UBP1: variants seen among roughly 807,000 people sequenced by gnomAD.
UBP1 encodes upstream binding protein 1, also known as upstream-binding protein 1.
A neutral mutation model predicts 76.1 loss-of-function variants in UBP1; 22 were observed. That is an observed-to-expected ratio of 0.29 (90% CI 0.21 to 0.41). The LOEUF (loss-of-function observed/expected upper bound fraction) is 0.41. Ranked by LOEUF, UBP1 falls within the 10% of genes least tolerant of loss-of-function variation. The pLI is 1.00. For synonymous variants in UBP1, 224 were observed against 237.1 expected (o/e 0.94, Z 0.51); for missense variants, 436 against 668.1 (o/e 0.65, Z 3.83).
At chr3:33,398,008 G>C (rs2044074732) in intron 11 of UBP1, 2 of 152,348 alleles carry the variant, frequency 1.3e-5, no homozygotes, top group South Asian at 4.1e-4. Context: ...ACAGAAGGCA[G>C]GAGAGGAAAT....
intron 1 of UBP1, among the ~76,000 whole-genome samples, chr3:33,427,051 T>A (rs1241802705): frequency 6.6e-6 from 1 of 151,910 alleles, no homozygotes; most frequent in African/African-American, 2.4e-5. Flanking sequence ...CACCACAACC[T>A]CTGACTCCTG....
intron 1 of UBP1, among the ~76,000 whole-genome samples, chr3:33,426,478 GA>G (rs2154059303): frequency 6.6e-6 from 1 of 152,204 alleles, no homozygotes. Context: ...TTTAAAGTCT[GA>G]AATTCAGTGG....
chr3:33,393,519 T>A, intron 13 of UBP1, 65 bp from the exon 14 acceptor site: 1 of 1,504,060 alleles, frequency 6.6e-7, no homozygotes, highest in Non-Finnish European at 8.9e-7. Flanking sequence ...TTCTGCCTGA[T>A]CTGTAGGATC....
rs565556111 is a variant in UBP1, at chr3:33,392,706, A to C, written c.1534-92T>G. 448 of 1,243,370 alleles carry C rather than the reference A, an allele frequency of 3.6e-4. 3 individuals carry two copies. The highest frequency in any genetic ancestry group is 3.0e-3 in the South Asian group (211 of 71,104). The allele number at this position is 1,243,370 out of a possible 1,614,324, so 77.0% of individuals were successfully genotyped here. On this transcript the variant is annotated intron_variant, in intron 14 of 15. Coordinates refer to ENST00000283629, the MANE Select transcript of UBP1 (RefSeq NM_014517.5). ...AAACAGTAAATATTCTTCTCAAACA[A>C]ACACAGGACTCAATGGCCAAAACGA...
At chr3:33,394,632 A>G (rs2043896007) in intron 13 of UBP1, among the ~76,000 whole-genome samples, 1 of 152,164 alleles carries the variant, frequency 6.6e-6, no homozygotes, top group Non-Finnish European at 1.5e-5. Flanking sequence ...AAAGCCAGAC[A>G]TGGATCAGGA....
intron 2 of UBP1, among the ~76,000 whole-genome samples, chr3:33,418,794 G>A (rs1243355028): frequency 6.7e-6 from 1 of 149,518 alleles, no homozygotes; most frequent in African/African-American, 2.5e-5. Context: ...GGGAGGCGGA[G>A]GTTGCAGTAA....
intron 12 of UBP1, chr3:33,396,676 A>C: frequency 2.4e-6 from 1 of 424,840 alleles, no homozygotes. Context: ...ATTCACAATT[A>C]GTTTACATTT....
chr3:33,431,924 A>G (rs562739599), intron 1 of UBP1, among the ~76,000 whole-genome samples: 72 of 152,326 alleles, frequency 4.7e-4, no homozygotes, highest in Middle Eastern at 3.4e-3. Context: ...GCAGCAGGAA[A>G]GACATACTTG....
At chr3:33,392,489 G>A (rs1398537750) in intron 15 of UBP1, 74 bp downstream of exon 15, 10 of 1,249,148 alleles carry the variant, frequency 8.0e-6, no homozygotes, top group Admixed American at 2.3e-5. Flanking sequence ...GAATAAACAC[G>A]AGAGGCACTA....
chr3:33,396,252 C>T lies in UBP1; in HGVS notation c.1300G>A (p.Val434Ile). 6.3e-7 allele frequency: 1 copy of T among 1,586,570 alleles called. No homozygotes were observed. Among genetic ancestry groups the T allele is most frequent in the Non-Finnish European group, 8.6e-7 (1 of 1,158,034 alleles). Residue 434 changes from valine to isoleucine, a missense_variant, in exon 13 of 16, where the codon GTC (valine) becomes ATC (isoleucine). Physicochemically the swap from Val to Ile is conservative, Grantham distance 29. This residue lies in a region of UBP1 where 210 missense variants were observed against 272.8 expected (regional missense o/e 0.77). Transcript: ENST00000283629. ...RSVRPRLTIY[V>I]CREQPSSTVL... is the part of the protein sequence containing the mutation. The stretch of plus-strand genomic sequence containing the variant: ...GTGCTGCTTGGCTGCTCCCGGCAGA[C>T]ATAGATGGTTAAACGGGGTCTAACC...
rs142939846 is a variant in UBP1, at chr3:33,406,688, T to C, written c.927+2002A>G. Among the ~76,000 whole-genome samples the C allele has an allele frequency of 3.9e-5, 6 of 152,342 alleles. 1 individual carries two copies. The highest frequency in any genetic ancestry group is 1.4e-4 in the African/African-American group (6 of 41,578). On this transcript the variant is annotated intron_variant, in intron 8 of 15. Transcript: ENST00000283629. Reference sequence around the variant, plus strand: ...ATTCGAAAAGCAAGCGATGGTGCAGTGCCTATGCTCCTGAATTCATAACGG... The same window carrying C: ...ATTCGAAAAGCAAGCGATGGTGCAGCGCCTATGCTCCTGAATTCATAACGG...
chr3:33,403,202 T>C (rs1267256441), intron 8 of UBP1: 5 of 297,526 alleles, frequency 1.7e-5, no homozygotes, highest in Non-Finnish European at 3.2e-5. Flanking sequence ...AAGAGCTTTC[T>C]CCTCCCTCTT....
chr3:33,410,900 C>T (rs1434182887), intron 5 of UBP1, among the ~76,000 whole-genome samples: 4 of 151,760 alleles, frequency 2.6e-5, no homozygotes, highest in Non-Finnish European at 5.9e-5. Context: ...GGTGAAACCC[C>T]CATCTCTACT....
intron 13 of UBP1, among the ~76,000 whole-genome samples, chr3:33,395,754 A>C (rs1421471930): frequency 1.7e-5 from 2 of 114,984 alleles, no homozygotes; most frequent in African/African-American, 3.0e-5. Flanking sequence ...AAAATTGAAA[A>C]AAAAAAAAAA....
Position 33,396,341 on chromosome 3 carries a change from ATATGACAACTACAGGAATC to A in UBP1, c.1272-80_1272-62del, listed in dbSNP as rs1270041642. 4.1e-6 allele frequency: 5 copies of A among 1,225,566 alleles called. No individual in the cohort carries two copies. The African/African-American group carries it at 7.5e-5, about 18-fold the overall frequency. The allele number at this position is 1,225,566 out of a possible 1,614,324, so 75.9% of individuals were successfully genotyped here. On this transcript the variant is annotated intron_variant, in intron 12 of 15. Transcript: ENST00000283629. Reference sequence around the variant, plus strand: ...AGAAAGCTGCCTTACACATGTACAAATATGACAACTACAGGAATCTAAGTTCTATTTCCTTATGAGAACT... The same window carrying A: ...AGAAAGCTGCCTTACACATGTACAAATAAGTTCTATTTCCTTATGAGAACT...
At chr3:33,434,546 C>G (rs1438438581) in intron 1 of UBP1, among the ~76,000 whole-genome samples, 1 of 151,666 alleles carries the variant, frequency 6.6e-6, no homozygotes, top group Non-Finnish European at 1.5e-5. Flanking sequence ...CTCAGCCTCC[C>G]AAAGTGCTGG....
Position 33,397,096 on chromosome 3 carries a change from T to C in UBP1, c.1220A>G (p.Gln407Arg). The C allele has an allele frequency of 2.5e-6, 4 of 1,602,640 alleles. No individual in the cohort carries two copies. The highest frequency in any genetic ancestry group is 2.6e-6 in the Non-Finnish European group (3 of 1,176,270). The change falls in exon 12 of 16, where the codon CAA (glutamine) becomes CGA (arginine). Residue 407 changes from glutamine to arginine, a missense_variant. By Grantham distance (43) the Gln-to-Arg change is conservative. Coordinates refer to ENST00000283629, the MANE Select transcript of UBP1 (RefSeq NM_014517.5). Reference sequence around the variant, plus strand: ...AATTCCATCGGCTGCACCACAAATTTGAACTAAATCCTCCTTTGTCAGTTT... The same window carrying C: ...AATTCCATCGGCTGCACCACAAATTCGAACTAAATCCTCCTTTGTCAGTTT... ...LLKLTKEDLV[Q>R]ICGAADGIRL...
chr3:33,396,231 T>C lies in UBP1; in HGVS notation c.1321A>G (p.Ser441Gly). The C allele has an allele frequency of 6.3e-7, 1 of 1,593,526 alleles. No homozygotes were observed. The highest frequency in any genetic ancestry group is 8.6e-7 in the Non-Finnish European group (1 of 1,163,438). ...TGCTGCTGCCCTTGCAGCACTGTGCTGCTTGGCTGCTCCCGGCAGACATAG... is the reference window on the plus strand; with the variant it reads ...TGCTGCTGCCCTTGCAGCACTGTGCCGCTTGGCTGCTCCCGGCAGACATAG... ...TIYVCREQPS[S>G]TVLQGQQQAA... The change falls in exon 13 of 16, where the codon AGC (serine) becomes GGC (glycine). Residue 441 changes from serine (S) to glycine (G), a missense_variant. Ser to Gly is a moderately conservative substitution (Grantham distance 56). This residue lies in a region of UBP1 where 210 missense variants were observed against 272.8 expected (regional missense o/e 0.77). Transcript: ENST00000283629.
chr3:33,431,197 T>A (rs1291342783), intron 1 of UBP1, among the ~76,000 whole-genome samples: 1 of 152,042 alleles, frequency 6.6e-6, no homozygotes, highest in Non-Finnish European at 1.5e-5. Context: ...AAGAAGTTAT[T>A]CAGAAAGCAG....
Sources: allele counts gnomAD v4.1 joint callset (sites outside exome capture counted in the v4.1 genomes callset), GRCh38; gene constraint gnomAD v4.1.1; regional missense constraint gnomAD v4.1.1; transcripts MANE v1.5; gene names NCBI Gene and HGNC (gene_info 2026-07-23, HGNC 2026-07-21).